CRACD: variants seen among roughly 807,000 people sequenced by gnomAD.
CRACD encodes capping protein-inhibiting regulator of actin dynamics.
A neutral mutation model predicts 106.8 loss-of-function variants in CRACD; 56 were observed. The observed-to-expected ratio is 0.52, with a 90% CI of 0.42 to 0.66. The LOEUF (loss-of-function observed/expected upper bound fraction) is 0.66, where lower values mean the gene tolerates loss of function less well. Among genes scored for constraint, CRACD ranks in the 30% least tolerant of loss-of-function variants. The pLI is 0.00. For synonymous variants in CRACD, 754 were observed against 670.8 expected, an observed-to-expected ratio of 1.12 and a Z score of -1.92; for missense variants, 1,730 against 1,623.2, an observed-to-expected ratio of 1.07 and a Z score of -1.13.
intron 2 of CRACD, among the ~76,000 whole-genome samples, chr4:56,255,555 C>G (rs752506761): frequency 7.2e-5 from 11 of 151,952 alleles, no homozygotes; most frequent in Non-Finnish European, 1.2e-4. Flanking sequence ...AGGCCACAAA[C>G]TTGCAAACAT....
At chr4:56,291,308 A>G (rs1318658225) in intron 3 of CRACD, among the ~76,000 whole-genome samples, 15 of 152,176 alleles carry the variant, frequency 9.9e-5, no homozygotes, top group Admixed American at 7.9e-4. Flanking sequence ...GTCAAGAATA[A>G]AGAAGTCCGG....
intron 1 of CRACD, among the ~76,000 whole-genome samples, chr4:56,089,759 T>C (rs1478332334): frequency 6.6e-6 from 1 of 152,082 alleles, no homozygotes; most frequent in Non-Finnish European, 1.5e-5. Flanking sequence ...GTGACCCACC[T>C]GCCTTGTTCT....
At chr4:56,086,488 G>T (rs1452689095) in intron 1 of CRACD, among the ~76,000 whole-genome samples, 1 of 152,128 alleles carries the variant, frequency 6.6e-6, no homozygotes, top group Non-Finnish European at 1.5e-5. Context: ...TGAACCAACA[G>T]TCTGAAGTTC....
intron 10 of CRACD, among the ~76,000 whole-genome samples, chr4:56,327,032 G>A (rs1577923987): frequency 2.0e-5 from 3 of 152,124 alleles, no homozygotes; most frequent in African/African-American, 7.2e-5. Flanking sequence ...GATCCACCAC[G>A]CCTGGCCAGG....
intron 2 of CRACD, among the ~76,000 whole-genome samples, chr4:56,234,629 T>C (rs574144550): frequency 2.0e-5 from 3 of 152,100 alleles, no homozygotes; most frequent in African/African-American, 7.2e-5. Flanking sequence ...AAACAAAGCT[T>C]AGAGAAGAAT....
At chr4:56,248,454 A>G (rs1740831279) in intron 2 of CRACD, among the ~76,000 whole-genome samples, 1 of 152,062 alleles carries the variant, frequency 6.6e-6, no homozygotes, top group Non-Finnish European at 1.5e-5. Context: ...GGTCATAGGC[A>G]TATATTTTTA....
At chr4:56,053,657 A>T (rs1234450894) in intron 1 of CRACD, among the ~76,000 whole-genome samples, 1 of 152,224 alleles carries the variant, frequency 6.6e-6, no homozygotes, top group East Asian at 1.9e-4. Context: ...CTGCTCTTGC[A>T]TTATAGCTTT....
Position 56,315,187 on chromosome 4 carries a change from A to G in CRACD, c.1685A>G (p.Lys562Arg). 1 of 1,596,186 alleles carries G rather than the reference A, an allele frequency of 6.3e-7. No homozygotes were observed. The highest frequency in any genetic ancestry group is 8.5e-7 in the Non-Finnish European group (1 of 1,171,930). ...AACCTGAGCCCCGTGACGCCCGCAA[A>G]GGACACGGGGCTCACCGCTGCTCCC... is the stretch of plus-strand genomic sequence containing the variant. The part of the protein sequence containing the change: ...KVNLSPVTPA[K>R]DTGLTAAPQE... Residue 562 changes from lysine (K) to arginine (R), a missense_variant, in exon 8 of 11, where the codon AAG becomes AGG. Coordinates refer to ENST00000682029, the MANE Select transcript of CRACD (RefSeq NM_001393381.1). The surrounding 1 kb of genome is among the most constrained non-coding windows in gnomAD (Gnocchi z 4.1).
intron 2 of CRACD, among the ~76,000 whole-genome samples, chr4:56,217,376 A>G (rs1023588687): frequency 2.0e-5 from 3 of 151,946 alleles, no homozygotes; most frequent in Admixed American, 6.6e-5. Flanking sequence ...AGAGAGACAT[A>G]AGATATCAAT....
In CRACD at chr4:56,316,269, C is replaced by G; in HGVS notation, c.2767C>G (p.Pro923Ala). Residue 923 changes from proline to alanine, a missense_variant, in exon 8 of 11, where the codon CCT becomes GCT. Coordinates refer to ENST00000682029, the MANE Select transcript of CRACD (RefSeq NM_001393381.1). The stretch of plus-strand genomic sequence containing the variant: ...TTCCACCCGGAGGGACTCCGCTGAA[C>G]CTTCCAGCAGCCGCTCTGTTCCTGT... ...APSTRRDSAE[P>A]SSSRSVPVAH... The G allele has an allele frequency of 6.2e-7, 1 of 1,613,994 alleles. No homozygotes were observed. Among genetic ancestry groups the G allele is most frequent in the Non-Finnish European group, 8.5e-7 (1 of 1,179,856 alleles).
rs76618393 is a variant in CRACD, at chr4:56,277,469, A to G, written c.-17+4977A>G. Among the ~76,000 whole-genome samples the G allele has an allele frequency of 1.5e-3, 229 of 149,240 alleles. 2 individuals carry two copies. Among genetic ancestry groups the G allele is most frequent in the African/African-American group, 5.4e-3 (218 of 40,400 alleles). On this transcript the variant is annotated intron_variant, in intron 3 of 10. Transcript: ENST00000682029. ...TCATGATTTATAAAAAAAAAAAAAT[A>G]GACAACACTGGAAATAGAAGGAAAC...
intron 10 of CRACD, among the ~76,000 whole-genome samples, chr4:56,327,400 T>TC (rs1250882852): frequency 6.6e-6 from 1 of 152,132 alleles, no homozygotes; most frequent in African/African-American, 2.4e-5. Flanking sequence ...AGGAATAAGT[T>TC]CAAGAGACCT....
At chr4:56,245,673 G>C (rs1452390447) in intron 2 of CRACD, among the ~76,000 whole-genome samples, 3 of 152,192 alleles carry the variant, frequency 2.0e-5, no homozygotes, top group African/African-American at 7.2e-5. Context: ...GGTGGCATAG[G>C]ATGAATCATT....
intron 2 of CRACD, among the ~76,000 whole-genome samples, chr4:56,259,782 G>T (rs1686358052): frequency 1.3e-5 from 2 of 152,146 alleles, no homozygotes; most frequent in Non-Finnish European, 2.9e-5. Context: ...AAAGCAGGGG[G>T]TTGCTGGACT....
chr4:56,069,025 G>A (rs901662109), intron 1 of CRACD, among the ~76,000 whole-genome samples: 2 of 152,166 alleles, frequency 1.3e-5, no homozygotes, highest in African/African-American at 4.8e-5. Flanking sequence ...AAGGGAGAAG[G>A]CTGTGTGGAG....
intron 8 of CRACD, among the ~76,000 whole-genome samples, chr4:56,317,917 C>G (rs1745788298): frequency 6.6e-6 from 1 of 152,078 alleles, no homozygotes; most frequent in Admixed American, 6.5e-5. Context: ...GAACCTTCAT[C>G]TAATACTTTT....
At chr4:56,306,177 G>T (rs1744681780) in intron 4 of CRACD, among the ~76,000 whole-genome samples, 1 of 152,070 alleles carries the variant, frequency 6.6e-6, no homozygotes. Context: ...CAGCTCTGTG[G>T]GGTTAAATAT....
intron 2 of CRACD, among the ~76,000 whole-genome samples, chr4:56,215,482 C>T (rs1014284552): frequency 6.6e-6 from 1 of 152,226 alleles, no homozygotes; most frequent in Non-Finnish European, 1.5e-5. Context: ...TGCACTTGTG[C>T]ATATGATTGA....
chr4:56,172,508 G>A (rs1314284901), intron 1 of CRACD, among the ~76,000 whole-genome samples: 2 of 152,166 alleles, frequency 1.3e-5, no homozygotes, highest in Admixed American at 1.3e-4. Flanking sequence ...TGTTGCCCAG[G>A]CTGCTGTGCA....
Sources: allele counts gnomAD v4.1 joint callset (sites outside exome capture counted in the v4.1 genomes callset), GRCh38; gene constraint gnomAD v4.1.1; non-coding constraint Gnocchi (gnomAD v3.1); transcripts MANE v1.5; gene names NCBI Gene and HGNC (gene_info 2026-07-23, HGNC 2026-07-21).